Variants in MPDZ observed in about 807,000 individuals in gnomAD.
The protein encoded by MPDZ is multiple PDZ domain crumbs cell polarity complex component.
A neutral mutation model predicts 239.1 loss-of-function variants in MPDZ; 234 were observed. That is an observed-to-expected ratio of 0.98 (90% CI 0.88 to 1.09). MPDZ has a LOEUF of 1.09. MPDZ is among the 50% of genes least tolerant of loss of function. The pLI, the probability that MPDZ is intolerant of heterozygous loss-of-function variation, is 0.00. For synonymous variants in MPDZ, 1,048 were observed against 881.3 expected, an observed-to-expected ratio of 1.19 and a Z score of -3.35; for missense variants, 3,175 against 2,510.0, an observed-to-expected ratio of 1.26 and a Z score of -5.66.
intron 3 of MPDZ, among the ~76,000 whole-genome samples, chr9:13,227,652 C>A (rs1961064682): frequency 1.3e-5 from 2 of 151,990 alleles, no homozygotes; most frequent in African/African-American, 4.8e-5. Context: ...AGTAGGTATA[C>A]AGGCATTCTA....
chr9:13,185,000 T>C (rs987303259), intron 18 of MPDZ, among the ~76,000 whole-genome samples: 1 of 152,026 alleles, frequency 6.6e-6, no homozygotes, highest in Non-Finnish European at 1.5e-5. Flanking sequence ...GAGAGAATGC[T>C]ATTTCGTCGG....
intron 42 of MPDZ, 23 bp downstream of exon 42, chr9:13,112,988 A>G (rs374639569): frequency 9.0e-5 from 142 of 1,571,228 alleles, no homozygotes; most frequent in Non-Finnish European, 1.1e-4. Context: ...CAGGGTTTAT[A>G]TTGTTTTCTC....
At chr9:13,225,637 T>C (rs1390795471) in intron 3 of MPDZ, among the ~76,000 whole-genome samples, 1 of 152,036 alleles carries the variant, frequency 6.6e-6, no homozygotes, top group African/African-American at 2.4e-5. Context: ...ATTACCATTG[T>C]GCTACAACTG....
At chr9:13,138,256 T>C (rs1024475756) in intron 28 of MPDZ, 103 bp from the exon 29 acceptor site, 49 of 1,205,794 alleles carry the variant, frequency 4.1e-5, no homozygotes, top group Non-Finnish European at 5.1e-5. Flanking sequence ...ACAGATTTTA[T>C]ACCAAAATGT....
chr9:13,136,136 C>G lies in MPDZ; in HGVS notation c.4339G>C (p.Val1447Leu), dbSNP rs745519525. The G allele has an allele frequency of 3.7e-6, 6 of 1,612,916 alleles. No individual in the cohort carries two copies. The highest frequency in any genetic ancestry group is 4.2e-6 in the Non-Finnish European group (5 of 1,179,466). Residue 1447 changes from valine to leucine, a missense_variant, in exon 31 of 47, where the codon GTA (valine) becomes CTA (leucine). Coordinates refer to ENST00000319217, the MANE Select transcript of MPDZ (RefSeq NM_001378778.1). ...NQMAVCPGNA[V>L]EPLPSNSENL... is the part of the protein sequence containing the mutation. ...TCTGAGTTAGAAGGCAAAGGTTCTA[C>G]TGCATTTCCAGGACATACGGCCATC...
At chr9:13,259,351 G>T (rs1344510095) in intron 1 of MPDZ, among the ~76,000 whole-genome samples, 15 of 151,862 alleles carry the variant, frequency 9.9e-5, no homozygotes, top group Admixed American at 9.8e-4. Context: ...AAAAAGAAAA[G>T]AAAAGAAAAT....
At chr9:13,125,960 T>C (rs1945048346) in intron 34 of MPDZ, among the ~76,000 whole-genome samples, 1 of 152,208 alleles carries the variant, frequency 6.6e-6, no homozygotes, top group African/African-American at 2.4e-5. Flanking sequence ...TGATAAGTTA[T>C]ATGGTTCTCT....
At chr9:13,122,198 A>C in intron 36 of MPDZ, 28 bp from the exon 37 acceptor site, 1 of 1,599,300 alleles carries the variant, frequency 6.3e-7, no homozygotes, top group Non-Finnish European at 8.6e-7. Context: ...ACATACCCAT[A>C]CTTATCCCAT....
intron 1 of MPDZ, among the ~76,000 whole-genome samples, chr9:13,259,696 G>C (rs1279052929): frequency 6.6e-6 from 1 of 152,092 alleles, no homozygotes; most frequent in Admixed American, 6.5e-5. Flanking sequence ...GGTACCTTCT[G>C]AGCACTGCAT....
rs983940411 is a variant in MPDZ at position 13,216,925 on chromosome 9, C to T, written c.1202-63G>A. 8.7e-5 allele frequency: 109 copies of T among 1,250,472 alleles called. 1 individual carries two copies. The Admixed American group carries it at 1.7e-3, about 19-fold the overall frequency. 77.5% of individuals were successfully genotyped at this position (1,250,472 alleles called of 1,614,324 possible). ...AGCACATTCAAAGAATATCCATCTT[C>T]GATTCTCCAACTATAAAGCTCTAAT... On this transcript the variant is annotated intron_variant, in intron 9 of 46. Transcript: ENST00000319217.
intron 3 of MPDZ, among the ~76,000 whole-genome samples, chr9:13,230,358 T>C (rs1181515723): frequency 1.3e-5 from 2 of 152,016 alleles, no homozygotes; most frequent in Non-Finnish European, 2.9e-5. Flanking sequence ...ACACAATCGC[T>C]CACAGCAGCT....
chr9:13,248,822 A>G (rs1003912096), intron 2 of MPDZ, among the ~76,000 whole-genome samples: 1 of 151,106 alleles, frequency 6.6e-6, no homozygotes, highest in African/African-American at 2.4e-5. Context: ...AAATAAAAAA[A>G]ATCAGATGGG....
At chr9:13,136,263 A>C (rs140219654) in intron 30 of MPDZ, 81 bp from the exon 31 acceptor site, 1 of 874,872 alleles carries the variant, frequency 1.1e-6, no homozygotes, top group East Asian at 3.0e-5. Context: ...GAAGGTTATT[A>C]GAGAAAATTA....
chr9:13,123,698 A>G (rs1274822724), intron 35 of MPDZ, among the ~76,000 whole-genome samples: 4 of 152,214 alleles, frequency 2.6e-5, no homozygotes, highest in Admixed American at 6.5e-5. Flanking sequence ...TATAGAACTC[A>G]TAACTGAGAT....
chr9:13,108,079 T>C (rs1042786247), intron 46 of MPDZ, among the ~76,000 whole-genome samples: 2 of 152,102 alleles, frequency 1.3e-5, no homozygotes, highest in African/African-American at 4.8e-5. Context: ...TCCAAAATAA[T>C]AAAATAAAAT....
In MPDZ at chr9:13,110,729, C is replaced by T. The variant is rs766811980; in HGVS notation, c.5736G>A (p.Arg1912=). The T allele has an allele frequency of 1.2e-6, 2 of 1,612,826 alleles. No individual in the cohort carries two copies. The highest frequency in any genetic ancestry group is 1.3e-5 in the African/African-American group (1 of 74,902). Residue 1912 remains arginine, a synonymous_variant, in exon 44 of 47, where the codon AGG becomes AGA. Transcript: ENST00000319217. ...AQTQKLRVGD[R]IVTICGTSTE... ...TGGATGTGCCACAGATGGTGACAAT[C>T]CTATCCCCAACCTGCAAGGGAGAGA...
Position 13,114,674 on chromosome 9 carries a change from G to A in MPDZ, c.5466+574C>T, listed in dbSNP as rs906919982. 6.6e-4 allele frequency among the ~76,000 whole-genome samples: 101 copies of A among 152,226 alleles called. 1 individual carries two copies. The highest frequency in any genetic ancestry group is 1.2e-4 in the Non-Finnish European group (8 of 68,006). ...CCCAACACTTTGGGAGGCTGAGGCG[G>A]GTGGATCACGAGGTCAGGCGTTTGA... On this transcript the variant is annotated intron_variant, in intron 40 of 46. Transcript: ENST00000319217.
At chr9:13,165,201 T>C (rs968640074) in intron 22 of MPDZ, among the ~76,000 whole-genome samples, 3 of 152,166 alleles carry the variant, frequency 2.0e-5, no homozygotes, top group Admixed American at 6.6e-5. Context: ...CATAGCTCTG[T>C]TGGATTTTAT....
chr9:13,229,638 T>C (rs968289013), intron 3 of MPDZ, among the ~76,000 whole-genome samples: 3 of 151,226 alleles, frequency 2.0e-5, no homozygotes, highest in Non-Finnish European at 4.4e-5. Context: ...TACCTTAGAT[T>C]TGTATAAAAG....
Sources: allele counts gnomAD v4.1 joint callset (sites outside exome capture counted in the v4.1 genomes callset), GRCh38; gene constraint gnomAD v4.1.1; transcripts MANE v1.5; gene names NCBI Gene and HGNC (gene_info 2026-07-23, HGNC 2026-07-21).